NKAIN3: variants seen among roughly 807,000 people sequenced by gnomAD.
NKAIN3 encodes sodium/potassium-transporting ATPase subunit beta-1-interacting protein 3.
A neutral mutation model predicts 30.2 loss-of-function variants in NKAIN3; 25 were observed. The observed-to-expected ratio is 0.83, with a 90% confidence interval of 0.60 to 1.16. The LOEUF (loss-of-function observed/expected upper bound fraction) is 1.16, where lower values mean the gene tolerates loss of function less well. Ranked by LOEUF, NKAIN3 falls within the 50% of genes most tolerant of loss-of-function variation. The pLI is 0.00. For synonymous variants in NKAIN3, 91 were observed against 89.6 expected (o/e 1.02, Z -0.09); for missense variants, 225 against 254.1 (o/e 0.89, Z 0.78).
chr8:62,289,799 G>A (rs1585638487), intron 1 of NKAIN3, among the ~76,000 whole-genome samples: 1 of 152,176 alleles, frequency 6.6e-6, no homozygotes, highest in Admixed American at 6.5e-5. Context: ...GTAGCTTGAT[G>A]GGGATGGCAT....
chr8:62,499,818 GTTTC>G (rs377627927), intron 1 of NKAIN3, among the ~76,000 whole-genome samples: 4,836 of 96,066 alleles, frequency 0.05, 90 homozygotes, highest in Admixed American at 0.079. Flanking sequence ...TTGTTTGTTT[GTTTC>G]TTTCTTTCTT....
chr8:62,992,630 GC>G (rs1824344902), intron 5 of NKAIN3, among the ~76,000 whole-genome samples: 1 of 151,558 alleles, frequency 6.6e-6, no homozygotes, highest in Non-Finnish European at 1.5e-5. Flanking sequence ...CCCTTCCCTT[GC>G]CCATGCCATA....
chr8:62,339,303 T>A, intron 1 of NKAIN3, among the ~76,000 whole-genome samples: 1 of 140,924 alleles, frequency 7.1e-6, no homozygotes, highest in African/African-American at 3.2e-5. Flanking sequence ...GCGTTTAGAG[T>A]TTCTTTCCTT....
intron 1 of NKAIN3, among the ~76,000 whole-genome samples, chr8:62,269,613 A>G (rs1033755230): frequency 2.6e-5 from 4 of 152,214 alleles, no homozygotes; most frequent in African/African-American, 7.2e-5. Flanking sequence ...ACTTGTCTTC[A>G]GTGTTCAAAT....
intron 1 of NKAIN3, among the ~76,000 whole-genome samples, chr8:62,254,420 G>A (rs975950449): frequency 6.6e-6 from 1 of 152,038 alleles, no homozygotes; most frequent in Non-Finnish European, 1.5e-5. Flanking sequence ...GACTAGAACC[G>A]AAAATAGGAC....
intron 1 of NKAIN3, chr8:62,483,639 A>T: frequency 5.1e-6 from 1 of 196,354 alleles, no homozygotes. Flanking sequence ...TAATCTTCTC[A>T]TAGGTTGATT....
intron 3 of NKAIN3, among the ~76,000 whole-genome samples, chr8:62,722,141 T>C (rs1466650987): frequency 6.6e-6 from 1 of 152,166 alleles, no homozygotes; most frequent in Admixed American, 6.5e-5. Flanking sequence ...CAGTGCCTCA[T>C]AGAAGAAATG....
intron 1 of NKAIN3, among the ~76,000 whole-genome samples, chr8:62,509,269 TC>T (rs891902099): frequency 1.2e-4 from 18 of 152,008 alleles, no homozygotes; most frequent in African/African-American, 4.1e-4. Flanking sequence ...TTCTTATCCC[TC>T]ACCTCACCCT....
intron 4 of NKAIN3, among the ~76,000 whole-genome samples, chr8:62,854,097 C>A (rs545223503): frequency 6.6e-6 from 1 of 152,236 alleles, no homozygotes; most frequent in African/African-American, 2.4e-5. Flanking sequence ...TTTGCATTTG[C>A]TGAGGAGTGT....
chr8:62,477,262 G>A (rs182000743), intron 1 of NKAIN3, among the ~76,000 whole-genome samples: 2 of 152,090 alleles, frequency 1.3e-5, no homozygotes, highest in South Asian at 2.1e-4. Context: ...GCAAATGTAC[G>A]CATGCACACA....
intron 3 of NKAIN3, among the ~76,000 whole-genome samples, chr8:62,731,117 C>T (rs1306764003): frequency 3.9e-5 from 6 of 151,958 alleles, no homozygotes; most frequent in Non-Finnish European, 8.8e-5. Flanking sequence ...GGGCATTTCT[C>T]CAGGGAAGAC....
intron 3 of NKAIN3, among the ~76,000 whole-genome samples, chr8:62,628,733 CAAG>C (rs1035052445): frequency 8.5e-4 from 130 of 152,136 alleles, no homozygotes; most frequent in African/African-American, 3.1e-3. Context: ...TCCAGTTTAT[CAAG>C]AAGTTCTTAT....
chr8:62,765,246 C>CAAAA (rs34477671), intron 4 of NKAIN3, among the ~76,000 whole-genome samples: 7 of 42,470 alleles, frequency 1.6e-4, no homozygotes, highest in African/African-American at 4.8e-4. Flanking sequence ...GACTCCATCT[C>CAAAA]AAAAAAAAAA....
At chr8:62,682,072 A>C (rs571140266) in intron 3 of NKAIN3, among the ~76,000 whole-genome samples, 1 of 152,166 alleles carries the variant, frequency 6.6e-6, no homozygotes, top group Non-Finnish European at 1.5e-5. Flanking sequence ...CTGCAGGAAC[A>C]TACCAGGAAA....
chr8:62,620,003 A>C (rs1460036161), intron 3 of NKAIN3, among the ~76,000 whole-genome samples: 1 of 152,190 alleles, frequency 6.6e-6, no homozygotes, highest in Non-Finnish European at 1.5e-5. Flanking sequence ...AACGAGAGGA[A>C]ACCACATAAA....
chr8:62,285,896 C>T (rs572433482), intron 1 of NKAIN3, among the ~76,000 whole-genome samples: 6 of 152,276 alleles, frequency 3.9e-5, no homozygotes, highest in Non-Finnish European at 7.3e-5. Context: ...TTGGATGCAG[C>T]TATTCTAGAC....
intron 1 of NKAIN3, among the ~76,000 whole-genome samples, chr8:62,475,520 T>A (rs1310794661): frequency 2.6e-5 from 4 of 152,186 alleles, no homozygotes; most frequent in Non-Finnish European, 4.4e-5. Context: ...GATTCAGTGA[T>A]TTTTAGTATA....
At chr8:62,839,039 TC>T (rs1339508307) in intron 4 of NKAIN3, among the ~76,000 whole-genome samples, 3 of 152,032 alleles carry the variant, frequency 2.0e-5, no homozygotes, top group Non-Finnish European at 4.4e-5. Flanking sequence ...TAATTTTACC[TC>T]CCTTCGTACA....
intron 1 of NKAIN3, among the ~76,000 whole-genome samples, chr8:62,255,848 A>G (rs1408140061): frequency 1.3e-5 from 2 of 152,164 alleles, no homozygotes; most frequent in South Asian, 2.1e-4. Context: ...CTTCTGAACA[A>G]CAGTGGCTCA....
Sources: gnomAD v4.1 joint callset for allele counts (sites outside exome capture counted in the v4.1 genomes callset) on GRCh38, gnomAD v4.1.1 for gene constraint, MANE v1.5 for transcripts, NCBI Gene and HGNC (gene_info 2026-07-23, HGNC 2026-07-21) for gene names.